Variants in B3GALT1 observed in about 807,000 individuals in gnomAD.
B3GALT1 encodes beta-1,3-galactosyltransferase 1, also known as UDP-Gal:betaGlcNAc beta 1,3-galactosyltransferase, polypeptide 1.
In B3GALT1, 10 loss-of-function variants were observed where a neutral mutation model predicts 23.2. The ratio of observed to expected loss-of-function variants is 0.43; its 90% CI spans 0.27 to 0.73. The LOEUF (loss-of-function observed/expected upper bound fraction) is 0.73. Among genes scored for constraint, B3GALT1 ranks in the 30% least tolerant of loss-of-function variants. B3GALT1 has a pLI of 0.21. For synonymous variants in B3GALT1, 156 were observed against 141.5 expected (o/e 1.10, Z -0.73); for missense variants, 299 against 405.4 (o/e 0.74, Z 2.25).
At chr2:167,671,609 A>G (rs1331477211) in intron 3 of B3GALT1, among the ~76,000 whole-genome samples, 1 of 152,116 alleles carries the variant, frequency 6.6e-6, no homozygotes, top group Non-Finnish European at 1.5e-5. Context: ...TGAGACAAAC[A>G]AAAGTGGAAA....
At chr2:167,548,240 T>C (rs1159614260) in intron 2 of B3GALT1, among the ~76,000 whole-genome samples, 1 of 152,170 alleles carries the variant, frequency 6.6e-6, no homozygotes, top group Non-Finnish European at 1.5e-5. Context: ...CCTGCCTCTT[T>C]CTTGAATGTG....
At chr2:167,616,531 G>A (rs1396598102) in intron 2 of B3GALT1, among the ~76,000 whole-genome samples, 2 of 151,884 alleles carry the variant, frequency 1.3e-5, no homozygotes, top group African/African-American at 2.4e-5. Flanking sequence ...GTGAAACCCC[G>A]TCGCTACTAA....
intron 3 of B3GALT1, among the ~76,000 whole-genome samples, chr2:167,669,808 C>A (rs943034090): frequency 6.6e-6 from 1 of 152,012 alleles, no homozygotes; most frequent in African/African-American, 2.4e-5. Context: ...TGAGACAGTG[C>A]CTGGCTTCCC....
At chr2:167,373,942 A>G (rs931885488) in intron 1 of B3GALT1, among the ~76,000 whole-genome samples, 1 of 152,156 alleles carries the variant, frequency 6.6e-6, no homozygotes, top group Admixed American at 6.6e-5. Context: ...TTTAAGGTGC[A>G]AATTATCCCG....
intron 3 of B3GALT1, among the ~76,000 whole-genome samples, chr2:167,790,927 C>T (rs144091659): frequency 2.0e-4 from 30 of 152,210 alleles, no homozygotes; most frequent in African/African-American, 7.2e-4. Context: ...AGGCGCTTCC[C>T]TTTTTTCCTA....
rs1371761270 is a variant in B3GALT1, at chr2:167,872,129, C to T, written c.*2109C>T. 1.3e-5 allele frequency: 2 copies of T among 151,712 alleles called. No individual in the cohort carries two copies. Among genetic ancestry groups the T allele is most frequent in the Non-Finnish European group, 2.9e-5 (2 of 67,892 alleles). The allele number at this position is 151,712 out of a possible 1,614,324, so 9.4% of individuals were successfully genotyped here. The stretch of plus-strand genomic sequence containing the variant: ...GTGTTAGCCAGGATGGTCTCGATCT[C>T]CTGACCTCGTGATCCGCCCGCCTCG... On this transcript the variant is annotated 3_prime_UTR_variant, in exon 5 of 5. Transcript: ENST00000392690.
rs570922625 is a variant in B3GALT1, at chr2:167,677,205, GAGT to G, written c.-352+30242_-352+30244del. 3.5e-3 allele frequency among the ~76,000 whole-genome samples: 531 copies of G among 152,270 alleles called. 1 individual carries two copies. The highest frequency in any genetic ancestry group is 0.012 in the African/African-American group (502 of 41,542). On this transcript the variant is annotated intron_variant, in intron 3 of 4. Transcript: ENST00000392690. Reference sequence around the variant, plus strand: ...AGTGTATTCAGAATTTTTGTGAAATGAGTAGATTATAGCTGTTCTTACAGGGGA... The same window carrying G: ...AGTGTATTCAGAATTTTTGTGAAATGAGATTATAGCTGTTCTTACAGGGGA...
At chr2:167,817,603 C>T (rs1689020616) in intron 3 of B3GALT1, among the ~76,000 whole-genome samples, 1 of 152,264 alleles carries the variant, frequency 6.6e-6, no homozygotes, top group East Asian at 1.9e-4. Flanking sequence ...CAAATGGATC[C>T]ACTGGAATCC....
At chr2:167,473,141 C>T (rs2105332033) in intron 1 of B3GALT1, among the ~76,000 whole-genome samples, 1 of 152,258 alleles carries the variant, frequency 6.6e-6, no homozygotes, top group South Asian at 2.1e-4. Context: ...GTGAACTCAT[C>T]TCTTAATCCA....
intron 1 of B3GALT1, among the ~76,000 whole-genome samples, chr2:167,486,299 C>A (rs1463891488): frequency 6.8e-6 from 1 of 146,408 alleles, no homozygotes; most frequent in Non-Finnish European, 1.5e-5. Context: ...GCAGAAGTTG[C>A]AGTTAGCCGA....
At position 167,869,127 on chromosome 2, in the gene B3GALT1, T is replaced by C. The variant is rs534924643; in HGVS notation, c.88T>C (p.Ser30Pro). Residue 30 changes from serine (S) to proline (P), a missense_variant, in exon 5 of 5, where the codon TCT becomes CCT. Physicochemically the swap from Ser to Pro is moderately conservative, Grantham distance 74. Coordinates refer to ENST00000392690, the MANE Select transcript of B3GALT1 (RefSeq NM_020981.4). The surrounding 1 kb of genome is among the most constrained non-coding windows in gnomAD (Gnocchi z 6.4). ...GTACTTGAGTATAACTCGCCCTACT[T>C]CTTCTTACACTGGCTCCAAACCATT... ...LWYLSITRPT[S>P]SYTGSKPFSH... The C allele has an allele frequency of 6.2e-7, 1 of 1,614,138 alleles. No homozygotes were observed. The highest frequency in any genetic ancestry group is 8.5e-7 in the Non-Finnish European group (1 of 1,179,982).
intron 3 of B3GALT1, among the ~76,000 whole-genome samples, chr2:167,647,491 G>T (rs1162457078): frequency 6.6e-6 from 1 of 152,166 alleles, no homozygotes; most frequent in Non-Finnish European, 1.5e-5. Context: ...ATGAAATAAT[G>T]ATGCAATATG....
intron 1 of B3GALT1, among the ~76,000 whole-genome samples, chr2:167,358,628 T>G (rs901009498): frequency 2.0e-5 from 1 of 49,982 alleles, no homozygotes; most frequent in African/African-American, 3.6e-5. Context: ...CAAATCTTAT[T>G]AAGAATCCTT....
chr2:167,614,554 A>G (rs920575197), intron 2 of B3GALT1, among the ~76,000 whole-genome samples: 19 of 151,970 alleles, frequency 1.3e-4, no homozygotes, highest in African/African-American at 4.6e-4. Context: ...ACCAAGATCA[A>G]TATTCAAGAG....
intron 2 of B3GALT1, among the ~76,000 whole-genome samples, chr2:167,598,267 T>A (rs924035963): frequency 4.6e-5 from 7 of 152,056 alleles, no homozygotes; most frequent in East Asian, 1.9e-4. Flanking sequence ...TGTGTGTGTG[T>A]GAGAGAGTGA....
At chr2:167,556,647 A>G (rs1012942785) in intron 2 of B3GALT1, among the ~76,000 whole-genome samples, 2 of 152,208 alleles carry the variant, frequency 1.3e-5, no homozygotes, top group African/African-American at 4.8e-5. Flanking sequence ...ATGAAGTAAT[A>G]TTTACCAAAG....
At chr2:167,561,610 A>G (rs1683991807) in intron 2 of B3GALT1, among the ~76,000 whole-genome samples, 1 of 152,210 alleles carries the variant, frequency 6.6e-6, no homozygotes, top group South Asian at 2.1e-4. Context: ...ACAATAAAAA[A>G]TGATAAAGGG....
At chr2:167,719,646 G>T (rs1687201203) in intron 3 of B3GALT1, among the ~76,000 whole-genome samples, 1 of 152,124 alleles carries the variant, frequency 6.6e-6, no homozygotes, top group African/African-American at 2.4e-5. Flanking sequence ...ATAAGAAAGT[G>T]CAGGGGACTG....
intron 1 of B3GALT1, among the ~76,000 whole-genome samples, chr2:167,488,039 G>GT (rs1224270582): frequency 6.6e-6 from 1 of 151,840 alleles, no homozygotes; most frequent in Non-Finnish European, 1.5e-5. Context: ...CCTAAATTCT[G>GT]TTAAAAAAAA....
Sources: allele counts gnomAD v4.1 joint callset (sites outside exome capture counted in the v4.1 genomes callset), GRCh38; gene constraint gnomAD v4.1.1; non-coding constraint Gnocchi (gnomAD v3.1); transcripts MANE v1.5; gene names NCBI Gene and HGNC (gene_info 2026-07-23, HGNC 2026-07-21).